The following PDE4D variants were observed in gnomAD, a reference collection of about 807,000 sequenced individuals.
PDE4D encodes the protein phosphodiesterase 4D.
Under a neutral mutation model 87.4 loss-of-function variants are expected in PDE4D, and 24 were observed. The ratio of observed to expected loss-of-function variants is 0.27; its 90% CI spans 0.20 to 0.39. PDE4D has a LOEUF of 0.39. Ranked by LOEUF, PDE4D falls within the 10% of genes least tolerant of loss-of-function variation. The pLI is 1.00. For missense variants in PDE4D, 714 were observed against 1,041.0 expected (o/e 0.69, Z 4.32); for synonymous variants, 384 against 383.2 (o/e 1.00, Z -0.02).
intron 1 of PDE4D, among the ~76,000 whole-genome samples, chr5:60,465,034 A>T (rs1447901834): frequency 6.6e-6 from 1 of 152,092 alleles, no homozygotes; most frequent in Non-Finnish European, 1.5e-5. Context: ...GTTTGAACTC[A>T]GGAGTTCAAG....
intron 2 of PDE4D, among the ~76,000 whole-genome samples, chr5:60,017,090 T>A (rs1306926690): frequency 6.6e-6 from 1 of 152,242 alleles, no homozygotes; most frequent in Non-Finnish European, 1.5e-5. Context: ...CATCTTCTTG[T>A]ATACCTTCAT....
chr5:59,013,729 G>C (rs1201715233), intron 6 of PDE4D, among the ~76,000 whole-genome samples: 1 of 152,030 alleles, frequency 6.6e-6, no homozygotes, highest in Non-Finnish European at 1.5e-5. Flanking sequence ...AAGAGGAGTT[G>C]GTAACATTCC....
At chr5:59,697,941 C>T (rs566612889) in intron 1 of PDE4D, among the ~76,000 whole-genome samples, 4 of 152,274 alleles carry the variant, frequency 2.6e-5, no homozygotes, top group African/African-American at 9.6e-5. Context: ...TGGACAAATA[C>T]TGAAGCTCTA....
At chr5:60,248,157 G>A (rs1264860587) in intron 1 of PDE4D, among the ~76,000 whole-genome samples, 1 of 151,878 alleles carries the variant, frequency 6.6e-6, no homozygotes, top group Non-Finnish European at 1.5e-5. Flanking sequence ...TAGATAGCAT[G>A]GCCACAGAAC....
At chr5:59,228,797 T>C (rs1754446889) in intron 1 of PDE4D, among the ~76,000 whole-genome samples, 1 of 152,146 alleles carries the variant, frequency 6.6e-6, no homozygotes, top group South Asian at 2.1e-4. Context: ...TTTACCTACA[T>C]CTCTCCCTCT....
At chr5:59,254,352 T>G (rs1760550755) in intron 1 of PDE4D, among the ~76,000 whole-genome samples, 1 of 152,090 alleles carries the variant, frequency 6.6e-6, no homozygotes, top group Non-Finnish European at 1.5e-5. Flanking sequence ...TTGATTTGAA[T>G]AAAACATTTA....
intron 1 of PDE4D, among the ~76,000 whole-genome samples, chr5:60,421,865 G>A (rs1038473735): frequency 2.6e-5 from 4 of 152,168 alleles, no homozygotes; most frequent in African/African-American, 9.7e-5. Context: ...TGATGGAGCT[G>A]AAAACCACGG....
chr5:60,123,122 T>C (rs1337296404), intron 2 of PDE4D, among the ~76,000 whole-genome samples: 1 of 152,158 alleles, frequency 6.6e-6, no homozygotes, highest in Admixed American at 6.5e-5. Context: ...AGGCTTTGGG[T>C]CAAAGCCATT....
At chr5:59,260,326 C>A (rs1242698017) in intron 1 of PDE4D, among the ~76,000 whole-genome samples, 1 of 151,824 alleles carries the variant, frequency 6.6e-6, no homozygotes, top group Non-Finnish European at 1.5e-5. Context: ...GTATGTCACA[C>A]CTACGCTATA....
intron 1 of PDE4D, among the ~76,000 whole-genome samples, chr5:59,870,914 G>A (rs1021959068): frequency 1.2e-4 from 18 of 152,144 alleles, no homozygotes; most frequent in African/African-American, 3.9e-4. Context: ...TGCAGTTGCC[G>A]CTTGTTTTGG....
At chr5:60,323,409 G>A (rs1052936809) in intron 1 of PDE4D, among the ~76,000 whole-genome samples, 1 of 152,046 alleles carries the variant, frequency 6.6e-6, no homozygotes, top group African/African-American at 2.4e-5. Context: ...TTGTTCCCCT[G>A]GCTTTTGTTT....
chr5:59,898,436 G>A (rs73761042), upstream of PDE4D, among the ~76,000 whole-genome samples: 1,357 of 152,244 alleles, frequency 8.9e-3, 15 homozygotes, highest in African/African-American at 0.031. Flanking sequence ...ATACTGATGC[G>A]GATATGTAGT....
intron 1 of PDE4D, among the ~76,000 whole-genome samples, chr5:59,270,145 A>G (rs540298744): frequency 2.2e-4 from 34 of 152,320 alleles, no homozygotes; most frequent in Admixed American, 1.9e-3. Context: ...TAAAAGCTGT[A>G]TATCTTTAAG....
intron 1 of PDE4D, among the ~76,000 whole-genome samples, chr5:59,604,368 G>A (rs295954): frequency 0.86 from 131,153 of 152,032 alleles, 56,632 homozygotes; most frequent in South Asian, 0.93. Context: ...TGATTCCTCA[G>A]ATGTTTGCCA....
At chr5:60,076,294 G>C (rs1160839311) in intron 2 of PDE4D, among the ~76,000 whole-genome samples, 1 of 152,094 alleles carries the variant, frequency 6.6e-6, no homozygotes, top group Non-Finnish European at 1.5e-5. Context: ...GAGTAGCTGG[G>C]ACTACAGGCG....
chr5:60,329,065 G>T (rs1390037564), intron 1 of PDE4D, among the ~76,000 whole-genome samples: 1 of 152,094 alleles, frequency 6.6e-6, no homozygotes. Context: ...AAGCATTTAG[G>T]TTTGGCCACT....
intron 5 of PDE4D, chr5:59,180,320 T>A (rs780495119): frequency 1.5e-5 from 9 of 613,256 alleles, no homozygotes; most frequent in Non-Finnish European, 2.7e-5. Context: ...TCTCTCAAAA[T>A]ACAAATGCCC....
intron 3 of PDE4D, among the ~76,000 whole-genome samples, chr5:59,187,325 T>G (rs1436587801): frequency 6.6e-6 from 1 of 152,152 alleles, no homozygotes; most frequent in Non-Finnish European, 1.5e-5. Flanking sequence ...TTTGTATAAT[T>G]TATATCTTCA....
intron 2 of PDE4D, among the ~76,000 whole-genome samples, chr5:59,200,744 TACAC>T (rs1165496534): frequency 1.1e-4 from 16 of 148,698 alleles, no homozygotes; most frequent in African/African-American, 4.1e-4. Flanking sequence ...TATATATACA[TACAC>T]ACATATGAAG....
Sources: gnomAD v4.1 joint callset for allele counts (sites outside exome capture counted in the v4.1 genomes callset) on GRCh38, gnomAD v4.1.1 for gene constraint, MANE v1.5 for transcripts, NCBI Gene and HGNC (gene_info 2026-07-23, HGNC 2026-07-21) for gene names.